The following SEMA4B variants were observed in gnomAD, a reference collection of about 807,000 sequenced individuals.
SEMA4B encodes semaphorin 4B.
Under a neutral mutation model 88.1 loss-of-function variants are expected in SEMA4B, and 55 were observed. The ratio of observed to expected loss-of-function variants is 0.62; its 90% confidence interval spans 0.50 to 0.78. The LOEUF is 0.78. SEMA4B is among the 30% of genes least tolerant of loss of function. The pLI, the probability that SEMA4B is intolerant of heterozygous loss-of-function variation, is 0.00. For synonymous variants in SEMA4B, 525 were observed against 473.6 expected, an observed-to-expected ratio of 1.11 and a Z score of -1.41; for missense variants, 1,062 against 1,111.9, an observed-to-expected ratio of 0.96 and a Z score of 0.64.
rs764666009 is a variant in SEMA4B at position 90,228,023 on chromosome 15, T to C, written c.1894T>C (p.Ser632Pro). Residue 632 changes from serine to proline, a missense_variant, in exon 14 of 14, where the codon TCG (serine) becomes CCG (proline). Ser to Pro is a moderately conservative substitution (Grantham distance 74). Coordinates refer to ENST00000411539, the MANE Select transcript of SEMA4B (RefSeq NM_198925.4). Reference protein sequence around the residue: ...WLRNGAPVNASASCHVLPTGD... With the variant: ...WLRNGAPVNAPASCHVLPTGD... Reference sequence around the variant, plus strand: ...ACGCAACGGGGCCCCCGTCAATGCCTCGGCCTCCTGCCACGTGCTACCCAC... The same window carrying C: ...ACGCAACGGGGCCCCCGTCAATGCCCCGGCCTCCTGCCACGTGCTACCCAC... 2 of 1,613,886 alleles carry C rather than the reference T, an allele frequency of 1.2e-6. No homozygotes were observed. Among genetic ancestry groups the C allele is most frequent in the East Asian group, 4.5e-5 (2 of 44,878 alleles).
chr15:90,187,260 T>C (rs958994802), intron 1 of SEMA4B, among the ~76,000 whole-genome samples: 1 of 152,254 alleles, frequency 6.6e-6, no homozygotes, highest in African/African-American at 2.4e-5. Flanking sequence ...AATGGGACTC[T>C]AGTCCTGCCT....
At chr15:90,189,401 T>G (rs1476616214) in intron 1 of SEMA4B, among the ~76,000 whole-genome samples, 1 of 152,228 alleles carries the variant, frequency 6.6e-6, no homozygotes, top group Non-Finnish European at 1.5e-5. Flanking sequence ...GTGACCTTAG[T>G]AAGTCCTGGA....
chr15:90,220,899 TC>T, intron 4 of SEMA4B, 82 bp from the exon 5 acceptor site: 1 of 882,538 alleles, frequency 1.1e-6, no homozygotes, highest in Non-Finnish European at 1.8e-6. Context: ...AGTTGCCTTC[TC>T]CTGCACGCCT....
chr15:90,187,583 C>CG (rs1960202435), intron 1 of SEMA4B, among the ~76,000 whole-genome samples: 1 of 152,174 alleles, frequency 6.6e-6, no homozygotes. Context: ...AGAGGGAACT[C>CG]GCAGGAGCAA....
Position 90,212,618 on chromosome 15 carries a change from C to T in SEMA4B, c.158-4821C>T, listed in dbSNP as rs1021311335. On this transcript the variant is annotated intron_variant, in intron 1 of 13. Coordinates refer to ENST00000411539, the MANE Select transcript of SEMA4B (RefSeq NM_198925.4). This position sits in a 1 kb window ranked among gnomAD's most constrained non-coding sequence, Gnocchi z 4.0. ...GAGCACCTAGGAGTGAGTGCGCAAG[C>T]GTGGACAAGCCCTGCGGTACCGTGT... Among the ~76,000 whole-genome samples, 4 of 150,744 alleles carry T rather than the reference C, an allele frequency of 2.7e-5. No individual in the cohort carries two copies. The highest frequency in any genetic ancestry group is 4.4e-5 in the Non-Finnish European group (3 of 67,810).
At chr15:90,200,748 C>A (rs1596125339), upstream of SEMA4B, among the ~76,000 whole-genome samples, 1 of 152,232 alleles carries the variant, frequency 6.6e-6, no homozygotes, top group East Asian at 1.9e-4. Flanking sequence ...CTTCCCCCAC[C>A]CGAGGGCTTC....
At chr15:90,210,752 G>A (rs1026773321) in intron 1 of SEMA4B, among the ~76,000 whole-genome samples, 1 of 152,192 alleles carries the variant, frequency 6.6e-6, no homozygotes, top group South Asian at 2.1e-4. Flanking sequence ...GGCGTGGCCC[G>A]TGTCTGGGGT....
rs1487718765 is a variant in SEMA4B at position 90,223,998 on chromosome 15, G to A, written c.1194+10G>A. The A allele has an allele frequency of 6.2e-7, 1 of 1,605,166 alleles. No homozygotes were observed. The highest frequency in any genetic ancestry group is 8.5e-7 in the Non-Finnish European group (1 of 1,174,542). ...ACCCCGGCCTGGAGCGGTGGGTACT[G>A]GCTCCCTGCACCCAGAAGGGGTGCC... On this transcript the variant is annotated intron_variant, in intron 9 of 13. Coordinates refer to ENST00000411539, the MANE Select transcript of SEMA4B (RefSeq NM_198925.4).
intron 7 of SEMA4B, among the ~76,000 whole-genome samples, chr15:90,223,073 C>T (rs1961948109): frequency 6.6e-6 from 1 of 151,454 alleles, no homozygotes; most frequent in Non-Finnish European, 1.5e-5. Context: ...TCAAGCAATC[C>T]TCTCACCTCA....
chr15:90,191,272 G>A lies in SEMA4B; in HGVS notation c.-122+6191G>A, dbSNP rs183127934. On this transcript the variant is annotated intron_variant, in intron 1 of 14. Coordinates refer to the SEMA4B transcript ENST00000332496. ...ACCTGGGACTTGGGCTGGGCGGGCCGGTTCTTTCTCCCCATGAGAGTTGCA... is the reference window on the plus strand; with the variant it reads ...ACCTGGGACTTGGGCTGGGCGGGCCAGTTCTTTCTCCCCATGAGAGTTGCA... 1.9e-3 allele frequency among the ~76,000 whole-genome samples: 294 copies of A among 152,320 alleles called. 1 individual carries two copies. The highest frequency in any genetic ancestry group is 6.7e-3 in the African/African-American group (279 of 41,578).
Position 90,227,992 on chromosome 15 carries a change from C to A in SEMA4B, c.1863C>A (p.Leu621=), listed in dbSNP as rs1365261992. The A allele has an allele frequency of 6.2e-7, 1 of 1,613,926 alleles. No individual in the cohort carries two copies. Among genetic ancestry groups the A allele is most frequent in the Non-Finnish European group, 8.5e-7 (1 of 1,179,882 alleles). The change falls in exon 14 of 14, where the codon CTC becomes CTA. Residue 621 remains leucine, a synonymous_variant. Transcript: ENST00000411539. ...CPLLSNLATR[L]WLRNGAPVNA... is the part of the protein sequence containing the mutation. Reference sequence around the variant, plus strand: ...TCCTCTCCAACCTGGCGACCCGACTCTGGCTACGCAACGGGGCCCCCGTCA... The same window carrying A: ...TCCTCTCCAACCTGGCGACCCGACTATGGCTACGCAACGGGGCCCCCGTCA...
At chr15:90,185,046 G>A in exon 1 of SEMA4B, 7 of 985,400 alleles carry the variant, frequency 7.1e-6, no homozygotes, top group Non-Finnish European at 8.4e-6. Flanking sequence ...GCCCCGCGGG[G>A]GGCGATGACC....
At chr15:90,201,963 G>A (rs1277748439) in intron 1 of SEMA4B, among the ~76,000 whole-genome samples, 4 of 152,244 alleles carry the variant, frequency 2.6e-5, no homozygotes. Context: ...TAGGGATGGG[G>A]TCTAGCCCGC....
Position 90,223,663 on chromosome 15 carries a change from G to A in SEMA4B, c.966G>A (p.Leu322=). 6.2e-7 allele frequency: 1 copy of A among 1,613,628 alleles called. No individual in the cohort carries two copies. Among genetic ancestry groups the A allele is most frequent in the Non-Finnish European group, 8.5e-7 (1 of 1,179,790 alleles). The change falls in exon 8 of 14, where the codon CTG becomes CTA. Residue 322 remains leucine, a synonymous_variant. Transcript: ENST00000411539. ...RPDDGFPFNV[L]QDVFTLSPSP... is the part of the protein sequence containing the mutation. ...ACGATGGCTTCCCCTTCAACGTGCTGCAGGATGTCTTCACGCTGAGCCCCA... is the reference window on the plus strand; with the variant it reads ...ACGATGGCTTCCCCTTCAACGTGCTACAGGATGTCTTCACGCTGAGCCCCA...
rs1485130722 is a variant in SEMA4B, at chr15:90,229,348, C to G, written c.*705C>G. ...CGCGAGCTCAGGAGAGATTTCGTGA[C>G]AATGTACGCCTTTCCCTCAGAATTC... is the stretch of plus-strand genomic sequence containing the variant. On this transcript the variant is annotated 3_prime_UTR_variant, in exon 14 of 14. Transcript: ENST00000411539. The G allele has an allele frequency of 4.4e-6, 2 of 456,880 alleles. No homozygotes were observed. Among genetic ancestry groups the G allele is most frequent in the Admixed American group, 4.7e-5 (2 of 42,586 alleles). 28.3% of individuals were successfully genotyped at this position (456,880 alleles called of 1,614,324 possible).
At chr15:90,195,103 T>C (rs1189287792) in intron 1 of SEMA4B, among the ~76,000 whole-genome samples, 1 of 152,100 alleles carries the variant, frequency 6.6e-6, no homozygotes, top group African/African-American at 2.4e-5. Flanking sequence ...GCTATTGATT[T>C]TGTTTGTTTT....
At position 90,209,606 on chromosome 15, in the gene SEMA4B, A is replaced by G. The variant is rs549785617; in HGVS notation, c.158-7833A>G. 6.8e-4 allele frequency among the ~76,000 whole-genome samples: 104 copies of G among 152,178 alleles called. 2 individuals carry two copies. In the South Asian group the frequency reaches 0.021, roughly 31 times the overall value. On this transcript the variant is annotated intron_variant, in intron 1 of 13. Coordinates refer to ENST00000411539, the MANE Select transcript of SEMA4B (RefSeq NM_198925.4). The stretch of plus-strand genomic sequence containing the variant: ...AGAAGAGCGCAGAAAGACCCTCCTC[A>G]TCATCATCAAACATCAAACATTGCC...
chr15:90,191,541 G>A (rs754791803), intron 1 of SEMA4B, among the ~76,000 whole-genome samples: 4 of 152,144 alleles, frequency 2.6e-5, no homozygotes, highest in Non-Finnish European at 4.4e-5. Flanking sequence ...ATAGCACTCC[G>A]TCCTAGATGA....
Position 90,201,480 on chromosome 15 carries a change from G to T in SEMA4B, c.-99G>T. The T allele has an allele frequency of 7.6e-7, 1 of 1,310,034 alleles. No homozygotes were observed. Among genetic ancestry groups the T allele is most frequent in the Non-Finnish European group, 9.7e-7 (1 of 1,032,844 alleles). 81.2% of individuals were successfully genotyped at this position (1,310,034 alleles called of 1,614,324 possible). ...CAGGTCCGGAGGCGGGGGCCCCCGG[G>T]GCGACTCGGGGGCGGACCGCGGGGC... On this transcript the variant is annotated 5_prime_UTR_variant, in exon 1 of 14. Transcript: ENST00000411539.
Sources: gnomAD v4.1 joint callset for allele counts (sites outside exome capture counted in the v4.1 genomes callset) on GRCh38, gnomAD v4.1.1 for gene constraint, Gnocchi (gnomAD v3.1) non-coding constraint, MANE v1.5 for transcripts, NCBI Gene and HGNC (gene_info 2026-07-23, HGNC 2026-07-21) for gene names.